RIT2: variants seen among roughly 807,000 people sequenced by gnomAD.
The protein encoded by RIT2 is GTP-binding protein Rit2.
In RIT2, 24 loss-of-function variants were observed where a neutral mutation model predicts 23.7. The ratio of observed to expected loss-of-function variants is 1.01; its 90% CI spans 0.73 to 1.43. The LOEUF (loss-of-function observed/expected upper bound fraction) is 1.43. RIT2 is among the 40% of genes most tolerant of loss of function. The pLI, the probability that RIT2 is intolerant of heterozygous loss-of-function variation, is 0.00. For missense variants in RIT2, 236 were observed against 266.9 expected, an observed-to-expected ratio of 0.88 and a Z score of 0.81; for synonymous variants, 107 against 91.1, an observed-to-expected ratio of 1.17 and a Z score of -0.99.
chr18:42,984,408 G>A (rs1468095325), intron 2 of RIT2, among the ~76,000 whole-genome samples: 2 of 152,066 alleles, frequency 1.3e-5, no homozygotes, highest in African/African-American at 4.8e-5. Flanking sequence ...GAATTGTGGA[G>A]AGAGCAAAAT....
intron 2 of RIT2, among the ~76,000 whole-genome samples, chr18:43,022,487 G>T (rs895281359): frequency 6.6e-6 from 1 of 151,978 alleles, no homozygotes; most frequent in South Asian, 2.1e-4. Flanking sequence ...TGGTCAATAC[G>T]CAGGATGATG....
chr18:43,030,133 T>C (rs1486103282), intron 2 of RIT2, among the ~76,000 whole-genome samples: 1 of 152,086 alleles, frequency 6.6e-6, no homozygotes, highest in Non-Finnish European at 1.5e-5. Flanking sequence ...GACACTTTAA[T>C]TTGACAGATA....
At chr18:42,894,736 T>C (rs572284274) in intron 4 of RIT2, among the ~76,000 whole-genome samples, 15 of 152,180 alleles carry the variant, frequency 9.9e-5, no homozygotes, top group Non-Finnish European at 1.6e-4. Flanking sequence ...ATTAAACTGC[T>C]GTGGGGAAGA....
rs199513808 is a variant in RIT2 at position 43,026,573 on chromosome 18, TAAGAAAGAAAGAAAGAAAGAAAGA to T, written c.160+7214_160+7237del. Among the ~76,000 whole-genome samples, 470 of 77,346 alleles carry T rather than the reference TAAGAAAGAAAGAAAGAAAGAAAGA, an allele frequency of 6.1e-3. 1 individual carries two copies. The highest frequency in any genetic ancestry group is 9.1e-3 in the South Asian group (18 of 1,976). The allele number at this position is 77,346 out of a possible 152,430, so 50.7% of individuals were successfully genotyped here. On this transcript the variant is annotated intron_variant, in intron 2 of 4. Coordinates refer to ENST00000326695, the MANE Select transcript of RIT2 (RefSeq NM_002930.4). ...GTCAAAAAAAAAAGTAAGAAATAAATAAGAAAGAAAGAAAGAAAGAAAGAAAGAAAGAAAGAAAGAAAGAAAGAA... is the reference window on the plus strand; with the variant it reads ...GTCAAAAAAAAAAGTAAGAAATAAATAAGAAAGAAAGAAAGAAAGAAAGAA...
chr18:42,743,469 G>C lies in RIT2; in HGVS notation c.*24C>G, dbSNP rs140706543. ...GTCCAACTAATAAAATTCAGAGAGC[G>C]TGAGGAACTCAAAAGCAAAGATATC... On this transcript the variant is annotated 3_prime_UTR_variant, in exon 5 of 5. Transcript: ENST00000326695. The C allele has an allele frequency of 5.5e-5, 83 of 1,512,450 alleles. 1 individual carries two copies. In the African/African-American group the frequency reaches 9.0e-4, roughly 16 times the overall value. The allele number at this position is 1,512,450 out of a possible 1,614,324, so 93.7% of individuals were successfully genotyped here. A position where few individuals can be genotyped will look rare whatever the true frequency, so the allele number is the denominator to read the frequency against.
chr18:43,103,798 A>T (rs1360644402), intron 1 of RIT2, among the ~76,000 whole-genome samples: 1 of 152,228 alleles, frequency 6.6e-6, no homozygotes, highest in Admixed American at 6.5e-5. Context: ...GTTGGAATAA[A>T]GTAAGATATC....
chr18:42,906,581 T>C (rs1416659087), intron 4 of RIT2, among the ~76,000 whole-genome samples: 1 of 152,160 alleles, frequency 6.6e-6, no homozygotes, highest in African/African-American at 2.4e-5. Flanking sequence ...TTGAAATTAT[T>C]GAATTCTAAG....
intron 1 of RIT2, among the ~76,000 whole-genome samples, chr18:43,102,207 C>G (rs558104179): frequency 6.6e-6 from 1 of 152,148 alleles, no homozygotes; most frequent in African/African-American, 2.4e-5. Flanking sequence ...TTTTTACCCT[C>G]CCAGGAAACA....
At chr18:42,930,495 G>T (rs1174649395) in intron 3 of RIT2, among the ~76,000 whole-genome samples, 3 of 152,064 alleles carry the variant, frequency 2.0e-5, no homozygotes, top group African/African-American at 7.2e-5. Context: ...GAGCTATCAA[G>T]TAGAAAATCA....
chr18:43,093,310 G>A (rs369278320), intron 1 of RIT2, among the ~76,000 whole-genome samples: 9 of 152,126 alleles, frequency 5.9e-5, no homozygotes, highest in East Asian at 1.9e-4. Context: ...GGAGTGGGCT[G>A]TACCTCCCTC....
intron 4 of RIT2, among the ~76,000 whole-genome samples, chr18:42,830,186 C>T (rs916419295): frequency 2.0e-5 from 3 of 152,172 alleles, no homozygotes; most frequent in Admixed American, 1.3e-4. Flanking sequence ...ACTATCACTT[C>T]TTTCAAGGTC....
At chr18:43,078,290 T>A (rs1282553183) in intron 1 of RIT2, among the ~76,000 whole-genome samples, 2 of 152,202 alleles carry the variant, frequency 1.3e-5, no homozygotes, top group Non-Finnish European at 2.9e-5. Context: ...AGGTTGAGCC[T>A]GTCCCCACTC....
chr18:42,802,296 G>C (rs901802636), intron 4 of RIT2, among the ~76,000 whole-genome samples: 6 of 152,132 alleles, frequency 3.9e-5, no homozygotes, highest in Non-Finnish European at 8.8e-5. Flanking sequence ...CAGTTCATTA[G>C]ATTGCATGCT....
intron 4 of RIT2, among the ~76,000 whole-genome samples, chr18:42,802,968 G>A (rs940006648): frequency 5.3e-5 from 8 of 152,118 alleles, no homozygotes; most frequent in African/African-American, 1.9e-4. Context: ...GAGAGTAATG[G>A]CTCTGCCCTC....
chr18:43,078,898 G>A lies in RIT2; in HGVS notation c.103+36519C>T, dbSNP rs570236757. On this transcript the variant is annotated intron_variant, in intron 1 of 4. Transcript: ENST00000326695. ...GGGCTAGTATACATCCCAGAGGAGC[G>A]GGAAAAGGAGCAGGGACACTGTAAA... Among the ~76,000 whole-genome samples, 7 of 152,262 alleles carry A rather than the reference G, an allele frequency of 4.6e-5. No individual in the cohort carries two copies. In the South Asian group the frequency reaches 1.2e-3, roughly 27 times the overall value.
At chr18:42,902,926 T>A (rs546981124) in intron 4 of RIT2, among the ~76,000 whole-genome samples, 1 of 151,400 alleles carries the variant, frequency 6.6e-6, no homozygotes, top group Middle Eastern at 3.4e-3. Flanking sequence ...TTCTATAAAA[T>A]TAAAACAAAA....
At chr18:42,819,353 A>G (rs1179158575) in intron 4 of RIT2, among the ~76,000 whole-genome samples, 1 of 152,084 alleles carries the variant, frequency 6.6e-6, no homozygotes, top group Non-Finnish European at 1.5e-5. Context: ...TTGGAAAAAC[A>G]TGTAAGGGAT....
chr18:43,076,724 A>C (rs1913027507), intron 1 of RIT2, among the ~76,000 whole-genome samples: 1 of 152,186 alleles, frequency 6.6e-6, no homozygotes, highest in South Asian at 2.1e-4. Context: ...GAGAAGACTC[A>C]TGATACCAGA....
chr18:42,989,779 C>G (rs977936824), intron 2 of RIT2, among the ~76,000 whole-genome samples: 1 of 151,992 alleles, frequency 6.6e-6, no homozygotes, highest in Non-Finnish European at 1.5e-5. Flanking sequence ...CTCTTCGTGG[C>G]CTTTTTGATT....
Sources: gnomAD v4.1 joint callset for allele counts (sites outside exome capture counted in the v4.1 genomes callset) on GRCh38, gnomAD v4.1.1 for gene constraint, MANE v1.5 for transcripts, NCBI Gene and HGNC (gene_info 2026-07-23, HGNC 2026-07-21) for gene names.